The following SYT16 variants were observed in gnomAD, a reference collection of about 807,000 sequenced individuals.
SYT16 encodes the protein synaptotagmin-16.
In SYT16, 42 loss-of-function variants were observed where a neutral mutation model predicts 61.4. The ratio of observed to expected loss-of-function variants is 0.68; its 90% CI spans 0.53 to 0.89. SYT16 has a LOEUF of 0.89. SYT16 is among the 40% of genes least tolerant of loss of function. The pLI is 0.00. For missense variants in SYT16, 804 were observed against 807.3 expected (o/e 1.00, Z 0.05); for synonymous variants, 314 against 302.3 (o/e 1.04, Z -0.40).
At chr14:61,979,177 C>G (rs1307037481) in intron 2 of SYT16, among the ~76,000 whole-genome samples, 2 of 151,960 alleles carry the variant, frequency 1.3e-5, no homozygotes, top group African/African-American at 4.8e-5. Flanking sequence ...AGTATAGTAG[C>G]CTGATATAGG....
intron 1 of SYT16, chr14:61,832,328 T>C (rs1307492983): frequency 1.9e-5 from 11 of 582,542 alleles, no homozygotes; most frequent in Non-Finnish European, 2.7e-5. Context: ...AGGTGGAAAT[T>C]GCTCGCTTGC....
chr14:61,967,575 A>C (rs911441247), intron 1 of SYT16, among the ~76,000 whole-genome samples: 1 of 152,094 alleles, frequency 6.6e-6, no homozygotes, highest in Non-Finnish European at 1.5e-5. Flanking sequence ...TGTAACTCGA[A>C]TCTCTGCCCT....
chr14:62,082,795 C>T (rs1401391143), intron 6 of SYT16, among the ~76,000 whole-genome samples: 4 of 152,186 alleles, frequency 2.6e-5, no homozygotes, highest in Non-Finnish European at 5.9e-5. Context: ...ATGCTGTGTG[C>T]TGGTGGCACG....
At chr14:61,859,146 A>C (rs1039423813) in intron 1 of SYT16, among the ~76,000 whole-genome samples, 1 of 151,930 alleles carries the variant, frequency 6.6e-6, no homozygotes, top group African/African-American at 2.4e-5. Flanking sequence ...GGCGTGAGCC[A>C]CCGCGCCCGG....
intron 1 of SYT16, among the ~76,000 whole-genome samples, chr14:61,915,330 C>G (rs2049080985): frequency 6.6e-6 from 1 of 152,096 alleles, no homozygotes; most frequent in Admixed American, 6.6e-5. Flanking sequence ...AAACAGCACA[C>G]ACATACATTT....
Position 62,000,592 on chromosome 14 carries a change from ATTTG to A in SYT16, c.523+4057_523+4060del, listed in dbSNP as rs2052973912. On this transcript the variant is annotated intron_variant, in intron 3 of 7. Transcript: ENST00000683842. Reference sequence around the variant, plus strand: ...TAAAATCTGTCTTCTTGCTAGATTGATTTGTTTGTTCCATCTGTTCTTTGTTTCT... The same window carrying A: ...TAAAATCTGTCTTCTTGCTAGATTGATTTGTTCCATCTGTTCTTTGTTTCT... 2.6e-5 allele frequency among the ~76,000 whole-genome samples: 4 copies of A among 151,836 alleles called. No homozygotes were observed. In the South Asian group the frequency reaches 8.3e-4, roughly 32 times the overall value.
At chr14:61,938,863 G>A (rs370451451) in intron 1 of SYT16, among the ~76,000 whole-genome samples, 2 of 152,190 alleles carry the variant, frequency 1.3e-5, no homozygotes, top group South Asian at 2.1e-4. Context: ...GGCTGGGTGC[G>A]GTGGCTCACG....
chr14:61,978,374 G>C (rs777187977), intron 2 of SYT16, among the ~76,000 whole-genome samples: 2 of 152,132 alleles, frequency 1.3e-5, no homozygotes, highest in Non-Finnish European at 2.9e-5. Context: ...GGGTTATAAT[G>C]ATTCTTACAA....
intron 1 of SYT16, among the ~76,000 whole-genome samples, chr14:61,968,811 A>G (rs936762302): frequency 8.5e-5 from 13 of 152,184 alleles, no homozygotes; most frequent in Non-Finnish European, 1.5e-5. Flanking sequence ...GCCTATAACT[A>G]CTGCTACCGG....
At chr14:61,982,007 G>T (rs867379027) in intron 2 of SYT16, among the ~76,000 whole-genome samples, 1 of 152,154 alleles carries the variant, frequency 6.6e-6, no homozygotes, top group Non-Finnish European at 1.5e-5. Context: ...TATTTCAAAA[G>T]CTGCAGAAGA....
At chr14:62,069,562 A>G (rs2056209115) in intron 3 of SYT16, 41 bp from the exon 4 acceptor site, 4 of 1,582,172 alleles carry the variant, frequency 2.5e-6, no homozygotes, top group East Asian at 4.5e-5. Context: ...ATTCGAGCAT[A>G]TAGGCCACAC....
At chr14:61,964,997 T>G (rs1727625706) in intron 1 of SYT16, among the ~76,000 whole-genome samples, 1 of 152,150 alleles carries the variant, frequency 6.6e-6, no homozygotes, top group African/African-American at 2.4e-5. Context: ...CAGTATAGTG[T>G]AAACATAACT....
At chr14:62,029,017 C>T (rs2054207086) in intron 3 of SYT16, among the ~76,000 whole-genome samples, 1 of 152,206 alleles carries the variant, frequency 6.6e-6, no homozygotes, top group Non-Finnish European at 1.5e-5. Context: ...TCCTATCCCT[C>T]AGTGCAAAAT....
chr14:61,964,257 A>T (rs1003243573), intron 1 of SYT16, among the ~76,000 whole-genome samples: 1 of 152,172 alleles, frequency 6.6e-6, no homozygotes, highest in Non-Finnish European at 1.5e-5. Flanking sequence ...CATTGAAAAC[A>T]TTTGGAAAGG....
At chr14:62,000,995 A>G (rs1413114983) in intron 3 of SYT16, among the ~76,000 whole-genome samples, 3 of 152,008 alleles carry the variant, frequency 2.0e-5, no homozygotes, top group Admixed American at 6.6e-5. Flanking sequence ...CCAGGAGTTT[A>G]AGGCTGCAGT....
At chr14:61,956,585 C>T (rs1157896888) in intron 1 of SYT16, among the ~76,000 whole-genome samples, 1 of 151,998 alleles carries the variant, frequency 6.6e-6, no homozygotes, top group Non-Finnish European at 1.5e-5. Context: ...GTACTCTTGA[C>T]ACCCTTGTCA....
At chr14:61,996,683 G>A in intron 3 of SYT16, 141 bp downstream of exon 3, 7 of 1,055,352 alleles carry the variant, frequency 6.6e-6, no homozygotes, top group East Asian at 2.5e-5. Flanking sequence ...CTGATTGAGA[G>A]ATATAATCCT....
intron 1 of SYT16, among the ~76,000 whole-genome samples, chr14:61,815,713 G>A (rs145197528): frequency 1.3e-5 from 2 of 152,158 alleles, no homozygotes; most frequent in Non-Finnish European, 2.9e-5. Flanking sequence ...TCATGAAATC[G>A]TGAGGAACTT....
intron 1 of SYT16, among the ~76,000 whole-genome samples, chr14:61,954,306 G>T: frequency 1.5e-5 from 2 of 132,562 alleles, no homozygotes; most frequent in Non-Finnish European, 3.2e-5. Flanking sequence ...CAATTGGTTA[G>T]CCTTTTTTTT....
Sources: allele counts gnomAD v4.1 joint callset (sites outside exome capture counted in the v4.1 genomes callset), GRCh38; gene constraint gnomAD v4.1.1; transcripts MANE v1.5; gene names NCBI Gene and HGNC (gene_info 2026-07-23, HGNC 2026-07-21).